The following XRCC5 variants were observed in gnomAD, a reference collection of about 807,000 sequenced individuals.
XRCC5 encodes the protein DNA repair protein Ku80.
Under a neutral mutation model 95.7 loss-of-function variants are expected in XRCC5, and 12 were observed. The observed-to-expected ratio is 0.13, with a 90% CI of 0.08 to 0.20. The LOEUF (loss-of-function observed/expected upper bound fraction) is 0.20. Among genes scored for constraint, XRCC5 ranks in the 10% least tolerant of loss-of-function variants. XRCC5 has a pLI of 1.00. For synonymous variants in XRCC5, 281 were observed against 290.3 expected, an observed-to-expected ratio of 0.97 and a Z score of 0.33; for missense variants, 595 against 873.9, an observed-to-expected ratio of 0.68 and a Z score of 4.02.
At position 216,132,314 on chromosome 2, in the gene XRCC5, C is replaced by T. The variant is rs916133647; in HGVS notation, c.1051-11C>T. 1 of 1,613,234 alleles carries T rather than the reference C, an allele frequency of 6.2e-7. No homozygotes were observed. Among genetic ancestry groups the T allele is most frequent in the South Asian group, 1.1e-5 (1 of 91,044 alleles). On this transcript the variant is annotated splice_polypyrimidine_tract_variant and intron_variant, in intron 9 of 20. Coordinates refer to ENST00000392132, the MANE Select transcript of XRCC5 (RefSeq NM_021141.4). Reference sequence around the variant, plus strand: ...TTTTGGATCAAAAGCAATTCTTTTCCTCTCTTGTAGGTTCAGAGAAGATTC... The same window carrying T: ...TTTTGGATCAAAAGCAATTCTTTTCTTCTCTTGTAGGTTCAGAGAAGATTC...
intron 16 of XRCC5, among the ~76,000 whole-genome samples, chr2:216,180,117 A>G (rs1689355891): frequency 2.0e-5 from 3 of 152,202 alleles, no homozygotes; most frequent in Admixed American, 2.0e-4. Context: ...ACTTCAGGAA[A>G]AAGGTCTGAG....
chr2:216,152,164 C>T (rs947091463), intron 14 of XRCC5, among the ~76,000 whole-genome samples: 3 of 152,160 alleles, frequency 2.0e-5, no homozygotes, highest in African/African-American at 7.2e-5. Flanking sequence ...GGGCTCGGCT[C>T]AGTGGCTCAT....
At chr2:216,140,030 TGTA>T (rs1211782922) in intron 12 of XRCC5, among the ~76,000 whole-genome samples, 1 of 152,224 alleles carries the variant, frequency 6.6e-6, no homozygotes, top group Non-Finnish European at 1.5e-5. Context: ...CCTGCTACCT[TGTA>T]GTAGTAGGTG....
At chr2:216,164,161 A>G (rs181266109) in intron 16 of XRCC5, among the ~76,000 whole-genome samples, 8 of 152,338 alleles carry the variant, frequency 5.3e-5, no homozygotes, top group African/African-American at 1.4e-4. Flanking sequence ...TGACAAGTCA[A>G]TGAACTCTTG....
At chr2:216,110,465 A>G (rs1696566080) in intron 1 of XRCC5, 1 of 152,214 alleles carries the variant, frequency 6.6e-6, no homozygotes, top group Non-Finnish European at 1.5e-5. Flanking sequence ...GTCCTCTTTC[A>G]GCTGCTGAAA....
rs113705868 is a variant in XRCC5, at chr2:216,134,706, G to C, written c.1113+2319G>C. Among the ~76,000 whole-genome samples the C allele has an allele frequency of 2.0e-5, 3 of 151,072 alleles. No homozygotes were observed. In the East Asian group the frequency reaches 5.8e-4, roughly 29 times the overall value. On this transcript the variant is annotated intron_variant, in intron 10 of 20. Coordinates refer to ENST00000392132, the MANE Select transcript of XRCC5 (RefSeq NM_021141.4). ...CCTCCTCGGCCTCCCAAAGTGTTGG[G>C]ATTACAGTTGTGAGCCACCGTGCCC...
intron 14 of XRCC5, among the ~76,000 whole-genome samples, chr2:216,153,363 GT>G (rs544687742): frequency 2.0e-4 from 31 of 152,120 alleles, no homozygotes; most frequent in Admixed American, 6.6e-4. Context: ...GCTTTTGTGT[GT>G]TTTTGTGTTG....
chr2:216,195,982 G>T (rs555026586), intron 19 of XRCC5, among the ~76,000 whole-genome samples: 4 of 152,106 alleles, frequency 2.6e-5, no homozygotes, highest in Non-Finnish European at 5.9e-5. Flanking sequence ...CGGAGACTCA[G>T]AAAATAACTA....
At chr2:216,185,370 C>T (rs775096720) in intron 16 of XRCC5, among the ~76,000 whole-genome samples, 1 of 152,174 alleles carries the variant, frequency 6.6e-6, no homozygotes, top group Non-Finnish European at 1.5e-5. Flanking sequence ...TAAAGAAAGC[C>T]CGCTTTTGAT....
At chr2:216,134,551 C>A (rs543932761) in intron 10 of XRCC5, among the ~76,000 whole-genome samples, 5 of 151,926 alleles carry the variant, frequency 3.3e-5, no homozygotes, top group African/African-American at 7.2e-5. Context: ...TCTCAGCCTC[C>A]CGAGTAGCTG....
chr2:216,119,292 ATGAC>A, intron 5 of XRCC5, 127 bp downstream of exon 5: 1 of 955,670 alleles, frequency 1.0e-6, no homozygotes, highest in Non-Finnish European at 1.6e-6. Context: ...AATCTGTCAG[ATGAC>A]TGACTACTCA....
chr2:216,112,950 G>A (rs1696615081), intron 1 of XRCC5, 66 bp from the exon 2 acceptor site: 2 of 1,238,996 alleles, frequency 1.6e-6, no homozygotes, highest in Non-Finnish European at 1.2e-6. Context: ...CAATAAGCAA[G>A]GGACATTCTT....
rs55908057 is a variant in XRCC5 at position 216,194,900 on chromosome 2, T to C, written c.2042-19T>C. Reference sequence around the variant, plus strand: ...TTGATTCTTTGTGTTTTGATTTTACTCTCTGAATTACTTTTTAGATGGAAT... The same window carrying C: ...TTGATTCTTTGTGTTTTGATTTTACCCTCTGAATTACTTTTTAGATGGAAT... On this transcript the variant is annotated intron_variant, in intron 18 of 20. Transcript: ENST00000392132. 3.0e-5 allele frequency: 48 copies of C among 1,613,116 alleles called. No homozygotes were observed. The African/African-American group carries it at 5.5e-4, about 18-fold the overall frequency.
At chr2:216,159,150 T>TAAA (rs1192447117) in intron 14 of XRCC5, among the ~76,000 whole-genome samples, 2 of 152,244 alleles carry the variant, frequency 1.3e-5, no homozygotes, top group Non-Finnish European at 2.9e-5. Flanking sequence ...AATGAATTTT[T>TAAA]AAAATTTCTA....
At chr2:216,111,325 C>T (rs1696586391) in intron 1 of XRCC5, 1 of 417,384 alleles carries the variant, frequency 2.4e-6, no homozygotes, top group Non-Finnish European at 4.8e-6. Context: ...AGTTTGAGAC[C>T]AGCCTGGGCA....
chr2:216,187,983 C>G (rs1236804006), intron 16 of XRCC5, among the ~76,000 whole-genome samples: 2 of 151,816 alleles, frequency 1.3e-5, no homozygotes, highest in African/African-American at 4.8e-5. Context: ...TTCTAAGGAG[C>G]CACGCTGTAC....
At chr2:216,156,368 C>A (rs1688842762) in intron 14 of XRCC5, 1 of 743,882 alleles carries the variant, frequency 1.3e-6, no homozygotes, top group African/African-American at 1.8e-5. Context: ...GTTGTGGGGT[C>A]TTTGGGCAAC....
intron 14 of XRCC5, among the ~76,000 whole-genome samples, chr2:216,152,746 C>G (rs2106022057): frequency 6.6e-6 from 1 of 151,756 alleles, no homozygotes; most frequent in South Asian, 2.1e-4. Flanking sequence ...CAGCCTAGAC[C>G]TCCTGGGCTC....
At chr2:216,125,834 C>T (rs1042215276) in intron 6 of XRCC5, 83 bp from the exon 7 acceptor site, 74 of 1,113,830 alleles carry the variant, frequency 6.6e-5, no homozygotes, top group Non-Finnish European at 1.5e-5. Flanking sequence ...GCTCACTTCT[C>T]ATTGTAGAAA....
Sources: gnomAD v4.1 joint callset for allele counts (sites outside exome capture counted in the v4.1 genomes callset) on GRCh38, gnomAD v4.1.1 for gene constraint, MANE v1.5 for transcripts, NCBI Gene and HGNC (gene_info 2026-07-23, HGNC 2026-07-21) for gene names.